TEX9: variants seen among roughly 807,000 people sequenced by gnomAD.
The protein encoded by TEX9 is testis expressed 9.
TEX9 carries 74 observed loss-of-function variants against 59.6 expected under a neutral mutation model. That is an observed-to-expected ratio of 1.24 (90% CI 1.03 to 1.51). TEX9 has a LOEUF of 1.51. Among genes scored for constraint, TEX9 ranks in the 40% most tolerant of loss-of-function variants. TEX9 has a pLI of 0.00. For missense variants in TEX9, 522 were observed against 447.8 expected (o/e 1.17, Z -1.49); for synonymous variants, 186 against 152.2 (o/e 1.22, Z -1.64).
At chr15:56,313,415 T>A (rs1335820403) in intron 1 of TEX9, among the ~76,000 whole-genome samples, 3 of 143,206 alleles carry the variant, frequency 2.1e-5, no homozygotes, top group African/African-American at 7.6e-5. Context: ...ATCATGTGGT[T>A]TTTGTCTTTG....
At chr15:56,456,788 C>A in the TEX9 span, among the ~76,000 whole-genome samples, 1 of 152,044 alleles carries the variant, frequency 6.6e-6, no homozygotes. Context: ...CGACATTCTG[C>A]TAATCTTTTT....
intron 9 of TEX9, among the ~76,000 whole-genome samples, chr15:56,404,779 A>G (rs1378441119): frequency 6.6e-6 from 1 of 152,244 alleles, no homozygotes; most frequent in African/African-American, 2.4e-5. Flanking sequence ...TGGCACATAT[A>G]TACCACGGAA....
chr15:56,304,852 A>T (rs1356549076), intron 1 of TEX9, among the ~76,000 whole-genome samples: 1 of 152,122 alleles, frequency 6.6e-6, no homozygotes, highest in Non-Finnish European at 1.5e-5. Flanking sequence ...CCTCCTGAGT[A>T]GCTGAGACCA....
intron 9 of TEX9, chr15:56,408,514 G>A (rs1408858144): frequency 1.7e-4 from 26 of 151,952 alleles, no homozygotes; most frequent in Admixed American, 1.2e-3. Context: ...CTATATATAC[G>A]TTGATCATCC....
At chr15:56,287,424 T>C (rs191537407) in intron 1 of TEX9, among the ~76,000 whole-genome samples, 1 of 152,286 alleles carries the variant, frequency 6.6e-6, no homozygotes, top group East Asian at 1.9e-4. Context: ...GAAAAAAATA[T>C]GTATATATAC....
At chr15:56,319,681 T>A (rs1257745663) in intron 1 of TEX9, among the ~76,000 whole-genome samples, 1 of 152,118 alleles carries the variant, frequency 6.6e-6, no homozygotes, top group Non-Finnish European at 1.5e-5. Flanking sequence ...CAGCACCAAA[T>A]GAGAGAGTCA....
At chr15:56,278,503 G>C (rs1357810993) in intron 1 of TEX9, among the ~76,000 whole-genome samples, 3 of 152,082 alleles carry the variant, frequency 2.0e-5, no homozygotes, top group Non-Finnish European at 4.4e-5. Context: ...CCCCAGCCTG[G>C]GTACTGTGAG....
chr15:56,283,269 G>T (rs188068464), intron 1 of TEX9, among the ~76,000 whole-genome samples: 20 of 152,108 alleles, frequency 1.3e-4, no homozygotes, highest in Admixed American at 1.1e-3. Context: ...GTTTCTTTAT[G>T]TTGGTGGTTT....
intron 1 of TEX9, among the ~76,000 whole-genome samples, chr15:56,277,958 GT>G (rs1201686394): frequency 7.4e-5 from 11 of 148,980 alleles, no homozygotes; most frequent in Non-Finnish European, 1.3e-4. Context: ...ACACTATTTC[GT>G]TTTTTTTTTC....
At chr15:56,356,049 G>A (rs1249556015) in intron 1 of TEX9, among the ~76,000 whole-genome samples, 1 of 151,832 alleles carries the variant, frequency 6.6e-6, no homozygotes, top group Non-Finnish European at 1.5e-5. Context: ...TTTGTAGTCT[G>A]GTATTTTCTA....
intron 1 of TEX9, among the ~76,000 whole-genome samples, chr15:56,346,074 T>A (rs1163659366): frequency 6.6e-6 from 1 of 152,180 alleles, no homozygotes; most frequent in East Asian, 1.9e-4. Flanking sequence ...ATATAAACAT[T>A]GCCTGCTTGC....
intron 1 of TEX9, among the ~76,000 whole-genome samples, chr15:56,267,320 T>A (rs1372944032): frequency 1.1e-4 from 16 of 152,222 alleles, no homozygotes; most frequent in Admixed American, 9.8e-4. Flanking sequence ...GTGCAGAAGC[T>A]CTTTAGTTTA....
chr15:56,333,974 A>G (rs1288843205), intron 1 of TEX9, among the ~76,000 whole-genome samples: 1 of 152,184 alleles, frequency 6.6e-6, no homozygotes, highest in African/African-American at 2.4e-5. Context: ...AAAGACCTCT[A>G]CAGTGAAAAT....
intron 9 of TEX9, among the ~76,000 whole-genome samples, chr15:56,405,639 G>T (rs946890251): frequency 2.0e-5 from 3 of 152,020 alleles, no homozygotes; most frequent in Admixed American, 6.5e-5. Context: ...TATCTACCCT[G>T]CCAGATAGGT....
At chr15:56,412,770 C>T (rs1424334926) in intron 10 of TEX9, among the ~76,000 whole-genome samples, 1 of 152,068 alleles carries the variant, frequency 6.6e-6, no homozygotes, top group Non-Finnish European at 1.5e-5. Flanking sequence ...GTCTTTTATT[C>T]TTCTCTGAAC....
chr15:56,323,465 C>T, intron 1 of TEX9: 1 of 174,046 alleles, frequency 5.7e-6, no homozygotes, highest in Non-Finnish European at 1.2e-5. Flanking sequence ...GGTGATGAGG[C>T]AAAGGAACTG....
chr15:56,251,683 CT>C (rs1413596120), intron 1 of TEX9, among the ~76,000 whole-genome samples: 1 of 151,962 alleles, frequency 6.6e-6, no homozygotes, highest in Non-Finnish European at 1.5e-5. Context: ...GCTCAGAGGG[CT>C]TAAAGAAGAT....
At chr15:56,415,063 T>G (rs2049603041) in intron 10 of TEX9, among the ~76,000 whole-genome samples, 1 of 151,876 alleles carries the variant, frequency 6.6e-6, no homozygotes, top group Admixed American at 6.5e-5. Flanking sequence ...GTTCTTGTTC[T>G]TTCCCCACCT....
At chr15:56,279,025 T>C (rs541740564) in intron 1 of TEX9, among the ~76,000 whole-genome samples, 1 of 152,328 alleles carries the variant, frequency 6.6e-6, no homozygotes, top group African/African-American at 2.4e-5. Context: ...TTATTTTTCC[T>C]CTAATTGCGT....
Sources: gnomAD v4.1 joint callset for allele counts (sites outside exome capture counted in the v4.1 genomes callset) on GRCh38, gnomAD v4.1.1 for gene constraint, MANE v1.5 for transcripts, NCBI Gene and HGNC (gene_info 2026-07-23, HGNC 2026-07-21) for gene names.